The following FDX1 variants were observed in gnomAD, a reference collection of about 807,000 sequenced individuals.
The protein encoded by FDX1 is adrenodoxin, mitochondrial.
A neutral mutation model predicts 14.9 loss-of-function variants in FDX1; 9 were observed. That is an observed-to-expected ratio of 0.60 (90% CI 0.36 to 1.05). FDX1 has a LOEUF of 1.05. Among genes scored for constraint, FDX1 ranks in the 50% least tolerant of loss-of-function variants. The pLI is 0.01. For synonymous variants in FDX1, 92 were observed against 99.4 expected (o/e 0.93, Z 0.44); for missense variants, 204 against 237.2 (o/e 0.86, Z 0.92).
At chr11:110,434,301 C>T (rs1946351861) in intron 1 of FDX1, among the ~76,000 whole-genome samples, 1 of 149,344 alleles carries the variant, frequency 6.7e-6, no homozygotes, top group Non-Finnish European at 1.5e-5. Flanking sequence ...CAGTAGTATT[C>T]TATGTAGCAC....
At chr11:110,435,019 G>T (rs4754452) in intron 1 of FDX1, among the ~76,000 whole-genome samples, 1 of 151,544 alleles carries the variant, frequency 6.6e-6, no homozygotes, top group Non-Finnish European at 1.5e-5. Flanking sequence ...CTCCCAAAGT[G>T]CTAGGAGTAC....
intron 1 of FDX1, among the ~76,000 whole-genome samples, chr11:110,434,232 C>A (rs1341167371): frequency 6.6e-6 from 1 of 151,588 alleles, no homozygotes; most frequent in Admixed American, 6.6e-5. Context: ...TGTAAGTATA[C>A]AATGTGGACT....
rs79867776 is a variant in FDX1, at chr11:110,440,159, C to CT, written c.310+4210dup. Among the ~76,000 whole-genome samples the CT allele has an allele frequency of 6.6e-5, 10 of 151,422 alleles. No individual in the cohort carries two copies. In the East Asian group the frequency reaches 1.6e-3, roughly 23 times the overall value. On this transcript the variant is annotated intron_variant, in intron 2 of 3. Transcript: ENST00000260270. ...CTAATTATTCTTATTTGGATCATCT[C>CT]TTTTTTTTTCTTTGTTAATCTAGCT...
intron 2 of FDX1, among the ~76,000 whole-genome samples, chr11:110,454,735 G>A (rs1384174481): frequency 6.6e-6 from 1 of 152,084 alleles, no homozygotes; most frequent in Admixed American, 6.6e-5. Context: ...TATATATTAA[G>A]TATACAGTCA....
intron 2 of FDX1, among the ~76,000 whole-genome samples, chr11:110,437,626 G>T (rs1946378719): frequency 6.6e-6 from 1 of 152,170 alleles, no homozygotes; most frequent in Non-Finnish European, 1.5e-5. Context: ...TTTGAGAGGT[G>T]TCTGTTCATG....
intron 2 of FDX1, among the ~76,000 whole-genome samples, chr11:110,442,862 A>G (rs1440540628): frequency 6.6e-6 from 1 of 152,172 alleles, no homozygotes; most frequent in Admixed American, 6.5e-5. Context: ...TTGAATTCCC[A>G]CGGGTTGTGG....
chr11:110,460,012 G>A (rs532352666), intron 3 of FDX1, among the ~76,000 whole-genome samples: 10 of 152,252 alleles, frequency 6.6e-5, no homozygotes, highest in Admixed American at 4.6e-4. Flanking sequence ...TAAAGTAACC[G>A]TTCCTTGAAG....
Position 110,435,868 on chromosome 11 carries a change from C to G in FDX1, c.220C>G (p.Arg74Gly). Residue 74 changes from arginine to glycine, a missense_variant, in exon 2 of 4, where the codon CGT becomes GGT. Arg to Gly is a moderately radical substitution (Grantham distance 125, BLOSUM62 -2). Coordinates refer to ENST00000260270, the MANE Select transcript of FDX1 (RefSeq NM_004109.5). ...TAAAATAACAGTCCACTTTATAAAC[C>G]GTGATGGTGAAACATTAACAACCAA... ...EDKITVHFIN[R>G]DGETLTTKGK... 20 of 1,609,646 alleles carry G rather than the reference C, an allele frequency of 1.2e-5. No individual in the cohort carries two copies. Among genetic ancestry groups the G allele is most frequent in the Non-Finnish European group, 1.7e-5 (20 of 1,177,126 alleles).
intron 3 of FDX1, among the ~76,000 whole-genome samples, chr11:110,458,446 T>A (rs954561933): frequency 6.6e-6 from 1 of 152,138 alleles, no homozygotes; most frequent in Non-Finnish European, 1.5e-5. Context: ...ATTGACATAT[T>A]TGGAATGGAA....
chr11:110,459,531 C>T (rs1946543710), intron 3 of FDX1, among the ~76,000 whole-genome samples: 1 of 152,172 alleles, frequency 6.6e-6, no homozygotes, highest in Non-Finnish European at 1.5e-5. Context: ...TTAAATCCAG[C>T]TGTGTTGGGC....
At chr11:110,443,667 C>G (rs1474890127) in intron 2 of FDX1, among the ~76,000 whole-genome samples, 2 of 152,076 alleles carry the variant, frequency 1.3e-5, no homozygotes, top group Non-Finnish European at 2.9e-5. Context: ...TGGTTTCGAA[C>G]TCCTGACCTC....
intron 2 of FDX1, among the ~76,000 whole-genome samples, chr11:110,453,471 C>CT (rs35726307): frequency 0.025 from 3,593 of 146,064 alleles, 153 homozygotes; most frequent in African/African-American, 0.08. Flanking sequence ...AAAGGAGTAA[C>CT]TTTTTTTTTT....
intron 2 of FDX1, among the ~76,000 whole-genome samples, chr11:110,453,997 A>G (rs1946504270): frequency 6.6e-6 from 1 of 152,224 alleles, no homozygotes; most frequent in South Asian, 2.1e-4. Flanking sequence ...TTTTTTTGGC[A>G]GAAAAGGTTC....
intron 2 of FDX1, among the ~76,000 whole-genome samples, chr11:110,455,655 A>G (rs1356075871): frequency 6.6e-6 from 1 of 152,232 alleles, no homozygotes; most frequent in Non-Finnish European, 1.5e-5. Flanking sequence ...ATTTTAAGAA[A>G]AGCCCAACTG....
At chr11:110,455,711 A>G (rs1169775812) in intron 2 of FDX1, among the ~76,000 whole-genome samples, 3 of 151,792 alleles carry the variant, frequency 2.0e-5, no homozygotes, top group African/African-American at 7.3e-5. Flanking sequence ...GAAACAGTGG[A>G]AGGACCTAGT....
chr11:110,446,558 C>T (rs1946451222), intron 2 of FDX1, among the ~76,000 whole-genome samples: 1 of 152,184 alleles, frequency 6.6e-6, no homozygotes, highest in African/African-American at 2.4e-5. Flanking sequence ...CAGCTTTTGC[C>T]TTTTTTCCTC....
rs541827807 is a variant in FDX1, at chr11:110,447,273, CAAAAAAAAAAAAAAAAA to C, written c.311-9631_311-9615del. On this transcript the variant is annotated intron_variant, in intron 2 of 3. Transcript: ENST00000260270. ...TGAAACCCCGTCTCTACTAAAAATA[CAAAAAAAAAAAAAAAAA>C]AAAAAAAAAAAAACCCAGCTGGGCA... Among the ~76,000 whole-genome samples the C allele has an allele frequency of 1.8e-3, 140 of 75,738 alleles. 1 individual carries two copies. Among genetic ancestry groups the C allele is most frequent in the East Asian group, 3.9e-3 (12 of 3,052 alleles). 49.7% of individuals were successfully genotyped at this position (75,738 alleles called of 152,430 possible). A position where few individuals can be genotyped will look rare whatever the true frequency, so the allele number is the denominator to read the frequency against.
chr11:110,441,210 A>G (rs1297204609), intron 2 of FDX1, among the ~76,000 whole-genome samples: 1 of 152,234 alleles, frequency 6.6e-6, no homozygotes, highest in Non-Finnish European at 1.5e-5. Flanking sequence ...AGTTTCGGAT[A>G]TGTCTTTGTC....
intron 2 of FDX1, among the ~76,000 whole-genome samples, chr11:110,447,420 C>G (rs1946458705): frequency 6.6e-6 from 1 of 151,968 alleles, no homozygotes; most frequent in Non-Finnish European, 1.5e-5. Flanking sequence ...CACCACTGTA[C>G]TCCAGTCTGG....
Sources: allele counts gnomAD v4.1 joint callset (sites outside exome capture counted in the v4.1 genomes callset), GRCh38; gene constraint gnomAD v4.1.1; transcripts MANE v1.5; gene names NCBI Gene and HGNC (gene_info 2026-07-23, HGNC 2026-07-21).